GALNT13: variants seen among roughly 807,000 people sequenced by gnomAD.
GALNT13 encodes UDP-GalNAc:polypeptide N-acetylgalactosaminyltransferase 13.
A neutral mutation model predicts 64.2 loss-of-function variants in GALNT13; 28 were observed. The ratio of observed to expected loss-of-function variants is 0.44; its 90% CI spans 0.32 to 0.60. The LOEUF (loss-of-function observed/expected upper bound fraction) is 0.60, where lower values mean the gene tolerates loss of function less well. Among genes scored for constraint, GALNT13 ranks in the 20% least tolerant of loss-of-function variants. The pLI is 0.05. For synonymous variants in GALNT13, 214 were observed against 224.6 expected, an observed-to-expected ratio of 0.95 and a Z score of 0.42; for missense variants, 577 against 669.8, an observed-to-expected ratio of 0.86 and a Z score of 1.53.
chr2:154,435,068 C>A (rs772664410), intron 11 of GALNT13, among the ~76,000 whole-genome samples: 1 of 152,102 alleles, frequency 6.6e-6, no homozygotes, highest in Non-Finnish European at 1.5e-5. Flanking sequence ...AGACTTTGAA[C>A]CAATTAATTG....
the GALNT13 span, among the ~76,000 whole-genome samples, chr2:153,314,614 G>A: frequency 2.0e-5 from 3 of 151,884 alleles, no homozygotes; most frequent in African/African-American, 7.3e-5. Context: ...AATAAAATTA[G>A]AAGTCAAAAA....
intron 9 of GALNT13, among the ~76,000 whole-genome samples, chr2:154,388,831 G>A (rs1049113534): frequency 2.0e-5 from 3 of 152,008 alleles, no homozygotes; most frequent in Non-Finnish European, 2.9e-5. Context: ...AAAATTATTA[G>A]CTTAAACTGT....
upstream of GALNT13, among the ~76,000 whole-genome samples, chr2:153,870,951 T>C (rs1297144605): frequency 6.6e-6 from 1 of 152,016 alleles, no homozygotes; most frequent in Non-Finnish European, 1.5e-5. Context: ...GTGAATAAAT[T>C]GCCAAGCAGG....
chr2:153,086,669 A>G, the GALNT13 span, among the ~76,000 whole-genome samples: 1 of 152,114 alleles, frequency 6.6e-6, no homozygotes, highest in Non-Finnish European at 1.5e-5. Flanking sequence ...TACTAGCAGT[A>G]TGAGAACAGA....
intron 3 of GALNT13, among the ~76,000 whole-genome samples, chr2:154,133,333 G>T (rs962112035): frequency 5.9e-5 from 9 of 151,526 alleles, no homozygotes; most frequent in African/African-American, 2.2e-4. Flanking sequence ...ATGGTGATTT[G>T]CTAAATCTCT....
chr2:153,792,428 A>G, the GALNT13 span, among the ~76,000 whole-genome samples: 6 of 152,148 alleles, frequency 3.9e-5, no homozygotes, highest in Admixed American at 6.5e-5. Context: ...TGCAAATACT[A>G]CATGATTTTA....
chr2:153,900,208 G>A (rs954407649), intron 1 of GALNT13, among the ~76,000 whole-genome samples: 10 of 151,938 alleles, frequency 6.6e-5, no homozygotes, highest in Middle Eastern at 3.4e-3. Flanking sequence ...TTATAACACC[G>A]TATATACTCC....
At chr2:154,312,016 T>A (rs537721508) in intron 9 of GALNT13, among the ~76,000 whole-genome samples, 118 of 152,276 alleles carry the variant, frequency 7.7e-4, no homozygotes, top group Non-Finnish European at 5.9e-5. Context: ...CTGTACAATT[T>A]GTGTAGTTAA....
chr2:154,021,426 A>G (rs1250966031), intron 3 of GALNT13, among the ~76,000 whole-genome samples: 5 of 152,122 alleles, frequency 3.3e-5, no homozygotes, highest in Non-Finnish European at 5.9e-5. Context: ...CATCCCTTGT[A>G]AGTTGGATTC....
At chr2:153,578,756 T>A in the GALNT13 span, among the ~76,000 whole-genome samples, 1 of 152,204 alleles carries the variant, frequency 6.6e-6, no homozygotes, top group African/African-American at 2.4e-5. Context: ...TTCTGTGGTC[T>A]GTAGCAATGG....
intron 4 of GALNT13, among the ~76,000 whole-genome samples, chr2:154,160,390 C>T (rs1473128143): frequency 6.6e-6 from 1 of 152,166 alleles, no homozygotes; most frequent in East Asian, 1.9e-4. Context: ...CCTTATCAGA[C>T]AGCCCTATAG....
chr2:154,288,112 A>C (rs554030664), intron 8 of GALNT13, among the ~76,000 whole-genome samples: 1 of 152,298 alleles, frequency 6.6e-6, no homozygotes, highest in East Asian at 1.9e-4. Flanking sequence ...CCTCACAATC[A>C]TGGTGGAAGG....
At chr2:153,087,307 C>A in the GALNT13 span, among the ~76,000 whole-genome samples, 1 of 152,062 alleles carries the variant, frequency 6.6e-6, no homozygotes, top group African/African-American at 2.4e-5. Context: ...TGTTAAACCA[C>A]CCCTGCATCC....
intron 1 of GALNT13, among the ~76,000 whole-genome samples, chr2:153,900,240 T>C (rs1688148808): frequency 6.6e-6 from 1 of 152,200 alleles, no homozygotes; most frequent in African/African-American, 2.4e-5. Flanking sequence ...CCCATTTAAT[T>C]TGAAATATTT....
At chr2:153,739,621 A>T in the GALNT13 span, among the ~76,000 whole-genome samples, 1 of 85,776 alleles carries the variant, frequency 1.2e-5, no homozygotes, top group Non-Finnish European at 3.0e-5. Context: ...ATGAGATTTT[A>T]TTTATTATTT....
chr2:154,297,528 A>C (rs1174686296), intron 8 of GALNT13, among the ~76,000 whole-genome samples: 1 of 152,214 alleles, frequency 6.6e-6, no homozygotes, highest in East Asian at 1.9e-4. Context: ...CACAGCAAAA[A>C]GATAGTCATC....
the GALNT13 span, among the ~76,000 whole-genome samples, chr2:153,503,823 C>G: frequency 6.6e-6 from 1 of 152,168 alleles, no homozygotes; most frequent in Non-Finnish European, 1.5e-5. Flanking sequence ...TAATGTGATG[C>G]CTCCAGATTT....
intron 8 of GALNT13, among the ~76,000 whole-genome samples, chr2:154,291,334 A>G (rs1692616909): frequency 6.6e-6 from 1 of 151,480 alleles, no homozygotes; most frequent in Non-Finnish European, 1.5e-5. Flanking sequence ...CGTTTACAAA[A>G]CCTTTAGCTA....
At chr2:154,262,329 A>T (rs959678475) in intron 8 of GALNT13, among the ~76,000 whole-genome samples, 1 of 152,196 alleles carries the variant, frequency 6.6e-6, no homozygotes, top group African/African-American at 2.4e-5. Context: ...TGATGGTATT[A>T]TTAGGAGAAA....
Sources: allele counts gnomAD v4.1 joint callset (sites outside exome capture counted in the v4.1 genomes callset), GRCh38; gene constraint gnomAD v4.1.1; transcripts MANE v1.5; gene names NCBI Gene and HGNC (gene_info 2026-07-23, HGNC 2026-07-21).